Variants in MSRA observed in about 807,000 individuals in gnomAD.
MSRA encodes the protein methionine sulfoxide reductase A, also known as mitochondrial peptide methionine sulfoxide reductase.
In MSRA, 54 loss-of-function variants were observed where a neutral mutation model predicts 31.3. The observed-to-expected ratio is 1.73, with a 90% CI of 1.39 to 2.17. The LOEUF (loss-of-function observed/expected upper bound fraction) is 2.17. MSRA is among the 30% of genes most tolerant of loss of function. MSRA has a pLI of 0.00. For missense variants in MSRA, 507 were observed against 300.9 expected (o/e 1.69, Z -5.07); for synonymous variants, 169 against 116.5 (o/e 1.45, Z -2.90).
At chr8:10,081,378 C>G (rs1417459827) in intron 1 of MSRA, among the ~76,000 whole-genome samples, 2 of 152,202 alleles carry the variant, frequency 1.3e-5, no homozygotes, top group African/African-American at 2.4e-5. Context: ...CTTAATATTT[C>G]TCTAAATTCT....
chr8:10,270,614 G>A (rs1367200675), intron 3 of MSRA, among the ~76,000 whole-genome samples: 1 of 152,212 alleles, frequency 6.6e-6, no homozygotes, highest in Non-Finnish European at 1.5e-5. Flanking sequence ...CGTCAGAGCA[G>A]CTGGAGTTCC....
intron 2 of MSRA, among the ~76,000 whole-genome samples, chr8:10,213,499 C>G (rs567098163): frequency 7.0e-6 from 1 of 142,472 alleles, no homozygotes; most frequent in Non-Finnish European, 1.5e-5. Context: ...TGCAGTGACG[C>G]GACCTCGGCT....
In MSRA at chr8:10,219,806, C is replaced by CAAAAAAAAAAAAAAAAAAA. The variant is rs59393980; in HGVS notation, c.211+11909_211+11927dup. Among the ~76,000 whole-genome samples the CAAAAAAAAAAAAAAAAAAA allele has an allele frequency of 3.5e-5, 2 of 57,124 alleles. 1 individual carries two copies. The highest frequency in any genetic ancestry group is 1.8e-4 in the African/African-American group (2 of 11,078). 37.5% of individuals were successfully genotyped at this position (57,124 alleles called of 152,430 possible). ...GGACGACAGATCGAGACTCTGTCTC[C>CAAAAAAAAAAAAAAAAAAA]AAAAAAAAAAAAAAAAAAAAAAGAT... On this transcript the variant is annotated intron_variant, in intron 2 of 5. Transcript: ENST00000317173.
At chr8:10,198,958 C>T (rs1034327372) in intron 1 of MSRA, among the ~76,000 whole-genome samples, 3 of 152,284 alleles carry the variant, frequency 2.0e-5, no homozygotes, top group East Asian at 1.9e-4. Flanking sequence ...GGTCAGTGCT[C>T]GGCATTGTTT....
chr8:10,069,993 G>A (rs1048404102), intron 1 of MSRA, among the ~76,000 whole-genome samples: 3 of 152,172 alleles, frequency 2.0e-5, no homozygotes, highest in Non-Finnish European at 4.4e-5. Context: ...TATGTATATG[G>A]TAAGTGCTTA....
At chr8:10,391,773 T>C (rs1056620630) in intron 5 of MSRA, among the ~76,000 whole-genome samples, 8 of 152,190 alleles carry the variant, frequency 5.3e-5, no homozygotes, top group African/African-American at 1.9e-4. Flanking sequence ...TGTCCTTATT[T>C]GTTTGTGGCT....
chr8:10,363,983 G>C (rs1805013040), intron 5 of MSRA, among the ~76,000 whole-genome samples: 1 of 152,108 alleles, frequency 6.6e-6, no homozygotes, highest in South Asian at 2.1e-4. Context: ...TTACCTAACT[G>C]AGGGTGGGAG....
At chr8:10,107,132 C>T (rs916248751) in intron 1 of MSRA, among the ~76,000 whole-genome samples, 8 of 152,120 alleles carry the variant, frequency 5.3e-5, no homozygotes, top group East Asian at 1.9e-4. Context: ...TGTGGCCAAG[C>T]GCAGTGACTG....
Position 10,119,915 on chromosome 8 carries a change from C to T in MSRA, c.142+65257C>T, listed in dbSNP as rs189940203. Among the ~76,000 whole-genome samples the T allele has an allele frequency of 3.3e-5, 5 of 152,236 alleles. No individual in the cohort carries two copies. The East Asian group carries it at 5.8e-4, about 18-fold the overall frequency. ...ATTAAGAGAAACCAACAAGAGCTGG[C>T]AGAGAGCTTTGAAGCTTTACCATGC... On this transcript the variant is annotated intron_variant, in intron 1 of 5. Coordinates refer to ENST00000317173, the MANE Select transcript of MSRA (RefSeq NM_012331.5).
intron 1 of MSRA, among the ~76,000 whole-genome samples, chr8:10,183,467 A>G (rs17748267): frequency 2.0e-5 from 3 of 151,922 alleles, no homozygotes; most frequent in East Asian, 1.9e-4. Flanking sequence ...CTAGGAGGTC[A>G]TAACAGTGCT....
chr8:10,403,498 G>T (rs1471144665), intron 5 of MSRA, among the ~76,000 whole-genome samples: 1 of 152,218 alleles, frequency 6.6e-6, no homozygotes, highest in Non-Finnish European at 1.5e-5. Flanking sequence ...AGAGAGCCTG[G>T]GCGAGAGAAT....
intron 5 of MSRA, among the ~76,000 whole-genome samples, chr8:10,410,330 G>C (rs1045596047): frequency 2.0e-5 from 3 of 152,180 alleles, no homozygotes; most frequent in Non-Finnish European, 4.4e-5. Context: ...TGTTTGGGGG[G>C]TGCCGGTGGA....
chr8:10,127,674 T>G (rs1295163111), intron 1 of MSRA, among the ~76,000 whole-genome samples: 1 of 152,174 alleles, frequency 6.6e-6, no homozygotes, highest in Non-Finnish European at 1.5e-5. Flanking sequence ...AAGGTACTAG[T>G]TATATTTATG....
chr8:10,090,562 C>G (rs948962148), intron 1 of MSRA, among the ~76,000 whole-genome samples: 2 of 152,140 alleles, frequency 1.3e-5, no homozygotes, highest in African/African-American at 4.8e-5. Flanking sequence ...TAAAACTTGT[C>G]ATTTTATTAT....
chr8:10,319,770 T>A, intron 4 of MSRA, 113 bp from the exon 5 acceptor site: 1 of 495,322 alleles, frequency 2.0e-6, no homozygotes, highest in Admixed American at 4.3e-5. Flanking sequence ...TAGCAACACA[T>A]CAGGCACAGG....
intron 3 of MSRA, among the ~76,000 whole-genome samples, chr8:10,293,239 C>T (rs555183703): frequency 6.6e-6 from 1 of 152,254 alleles, no homozygotes. Context: ...TGCGCCATCC[C>T]TATGATGGGC....
intron 5 of MSRA, among the ~76,000 whole-genome samples, chr8:10,348,283 T>C (rs545935425): frequency 1.3e-5 from 2 of 151,532 alleles, no homozygotes; most frequent in South Asian, 2.1e-4. Flanking sequence ...TCCGCGGAGA[T>C]TTTTTTTTCT....
At chr8:10,067,680 T>C (rs1797528744) in intron 1 of MSRA, among the ~76,000 whole-genome samples, 2 of 152,168 alleles carry the variant, frequency 1.3e-5, no homozygotes, top group Non-Finnish European at 2.9e-5. Flanking sequence ...TCCCGGCAGT[T>C]GTTGTTATCA....
At chr8:10,166,495 A>G (rs1805137321) in intron 1 of MSRA, among the ~76,000 whole-genome samples, 2 of 151,852 alleles carry the variant, frequency 1.3e-5, no homozygotes, top group African/African-American at 4.8e-5. Context: ...GTGCATGCAT[A>G]TGTGTGTATG....
Sources: allele counts gnomAD v4.1 joint callset (sites outside exome capture counted in the v4.1 genomes callset), GRCh38; gene constraint gnomAD v4.1.1; transcripts MANE v1.5; gene names NCBI Gene and HGNC (gene_info 2026-07-23, HGNC 2026-07-21).